TG: variants seen among roughly 807,000 people sequenced by gnomAD.
TG encodes thyroid hormones.
TG carries 270 observed loss-of-function variants against 324.7 expected under a neutral mutation model. The ratio of observed to expected loss-of-function variants is 0.83; its 90% CI spans 0.75 to 0.92. TG has a LOEUF of 0.92. Ranked by LOEUF, TG falls within the 40% of genes least tolerant of loss-of-function variation. TG has a pLI of 0.00. For missense variants in TG, 3,591 were observed against 3,456.4 expected, an observed-to-expected ratio of 1.04 and a Z score of -0.98; for synonymous variants, 1,401 against 1,327.0, an observed-to-expected ratio of 1.06 and a Z score of -1.21.
intron 34 of TG, among the ~76,000 whole-genome samples, chr8:132,981,629 C>CT (rs759785293): frequency 6.6e-6 from 1 of 152,208 alleles, no homozygotes; most frequent in Non-Finnish European, 1.5e-5. Context: ...GAAGCCTTGG[C>CT]TCAGCGTGGA....
chr8:132,873,538 T>A (rs1839695269), intron 5 of TG, among the ~76,000 whole-genome samples: 1 of 152,154 alleles, frequency 6.6e-6, no homozygotes, highest in South Asian at 2.1e-4. Context: ...AAAGTGATCA[T>A]CAAAACGTGG....
Position 133,013,660 on chromosome 8 carries a change from G to A in TG, c.6458G>A (p.Arg2153Lys). ...CTGCAAACCCAACCTGGGGCTGTGA[G>A]ATGTATGTTCTATGCTGATACTCAA... ...TTLQTQPGAV[R>K]CMFYADTQSC... Residue 2153 changes from arginine (R) to lysine (K), a missense_variant, in exon 37 of 48, where the codon AGA becomes AAA. By Grantham distance (26) the Arg-to-Lys change is conservative. Coordinates refer to ENST00000220616, the MANE Select transcript of TG (RefSeq NM_003235.5). 6.2e-7 allele frequency: 1 copy of A among 1,614,228 alleles called. No individual in the cohort carries two copies. Among genetic ancestry groups the A allele is most frequent in the Non-Finnish European group, 8.5e-7 (1 of 1,180,044 alleles).
chr8:133,102,530 T>C, intron 43 of TG: 1 of 1,551,360 alleles, frequency 6.4e-7, no homozygotes, highest in Non-Finnish European at 8.7e-7. Flanking sequence ...GGGGTCCCAA[T>C]GACAGCAAAG....
chr8:132,968,446 A>G (rs543714122), intron 31 of TG, among the ~76,000 whole-genome samples: 13 of 152,330 alleles, frequency 8.5e-5, no homozygotes, highest in African/African-American at 2.9e-4. Flanking sequence ...GACTTTAACA[A>G]GATAGAAGGT....
At chr8:132,878,341 G>A (rs1347524260) in intron 5 of TG, among the ~76,000 whole-genome samples, 1 of 151,998 alleles carries the variant, frequency 6.6e-6, no homozygotes, top group Non-Finnish European at 1.5e-5. Flanking sequence ...TTCAGGTCCA[G>A]CGCGCTGGCT....
chr8:132,871,247 C>T, intron 3 of TG, 101 bp from the exon 4 acceptor site: 1 of 1,293,084 alleles, frequency 7.7e-7, no homozygotes, highest in East Asian at 2.3e-5. Context: ...TCATTCCCCT[C>T]TCAGCTGTGT....
intron 35 of TG, among the ~76,000 whole-genome samples, chr8:133,001,290 C>T (rs903354613): frequency 5.3e-5 from 8 of 152,026 alleles, no homozygotes; most frequent in African/African-American, 9.7e-5. Flanking sequence ...GATGCGGAGT[C>T]GAAGATAAGA....
chr8:132,892,126 G>A (rs1816320397), intron 10 of TG, among the ~76,000 whole-genome samples: 1 of 152,202 alleles, frequency 6.6e-6, no homozygotes, highest in African/African-American at 2.4e-5. Flanking sequence ...CCCAAAAATT[G>A]AACACAAAGG....
rs121912649 is a variant in TG at position 132,967,797 on chromosome 8, G to A, written c.5690G>A (p.Cys1897Tyr). The change falls in exon 31 of 48, where the codon TGT becomes TAT. Residue 1897 changes from cysteine to tyrosine, a missense_variant. Coordinates refer to ENST00000220616, the MANE Select transcript of TG (RefSeq NM_003235.5). ...CACACTACTCTCTTGCCTGTAGGTT[G>A]TGTGCAGGAGCACTCTTTCTGTCAG... Reference protein sequence around the residue: ...QQANLWCLSRCVQEHSFCQLA... With the variant: ...QQANLWCLSRYVQEHSFCQLA... The A allele has an allele frequency of 6.2e-7, 1 of 1,613,718 alleles. No individual in the cohort carries two copies. Among genetic ancestry groups the A allele is most frequent in the East Asian group, 2.2e-5 (1 of 44,860 alleles).
At chr8:133,064,664 C>T (rs573662718) in intron 41 of TG, among the ~76,000 whole-genome samples, 7 of 152,322 alleles carry the variant, frequency 4.6e-5, no homozygotes, top group Middle Eastern at 3.4e-3. Context: ...ATGGCGTTGC[C>T]GTCGACAACG....
intron 5 of TG, among the ~76,000 whole-genome samples, chr8:132,876,842 C>A (rs1307892103): frequency 6.6e-6 from 1 of 152,222 alleles, no homozygotes; most frequent in Non-Finnish European, 1.5e-5. Context: ...CCTTAATGAT[C>A]TGAGTTAATT....
chr8:132,874,850 A>C (rs1265035778), intron 5 of TG, among the ~76,000 whole-genome samples: 1 of 152,218 alleles, frequency 6.6e-6, no homozygotes, highest in Non-Finnish European at 1.5e-5. Flanking sequence ...TGGTGGCATC[A>C]AGACACTGGC....
chr8:133,054,075 T>A lies in TG; in HGVS notation c.7239+24052T>A, dbSNP rs151032371. Among the ~76,000 whole-genome samples, 306 of 152,294 alleles carry A rather than the reference T, an allele frequency of 2.0e-3. 1 individual carries two copies. Among genetic ancestry groups the A allele is most frequent in the African/African-American group, 7.1e-3 (295 of 41,558 alleles). On this transcript the variant is annotated intron_variant, in intron 41 of 47. Coordinates refer to ENST00000220616, the MANE Select transcript of TG (RefSeq NM_003235.5). ...GCCTGGTGCCAGGATCCCTTCAAAG[T>A]CTTCCCTGAGCTTTGGTTGCTACAG...
chr8:132,966,765 G>A, intron 30 of TG, 68 bp downstream of exon 30: 1 of 1,608,212 alleles, frequency 6.2e-7, no homozygotes, highest in Non-Finnish European at 8.5e-7. Flanking sequence ...GCCAAGTCTG[G>A]CAACTCCTGA....
rs187782854 is a variant in TG, at chr8:132,973,167, A to G, written c.6199+426A>G. Among the ~76,000 whole-genome samples the G allele has an allele frequency of 9.7e-3, 1,476 of 152,328 alleles. 15 individuals are homozygous for G. Among genetic ancestry groups the G allele is most frequent in the Admixed American group, 0.013 (192 of 15,300 alleles). On this transcript the variant is annotated intron_variant, in intron 34 of 47. Transcript: ENST00000220616. ...AGCTTGACGGTCCTAACAAGATGGT[A>G]TGCACTAGGATAGGGGGTGTTCCTC...
At chr8:132,957,691 A>G (rs982717367) in intron 27 of TG, among the ~76,000 whole-genome samples, 5 of 148,322 alleles carry the variant, frequency 3.4e-5, no homozygotes, top group Non-Finnish European at 7.5e-5. Context: ...CTGAATTTGT[A>G]TTTGTATTGA....
At chr8:132,917,712 G>A (rs775452238) in intron 20 of TG, among the ~76,000 whole-genome samples, 3 of 151,868 alleles carry the variant, frequency 2.0e-5, no homozygotes, top group African/African-American at 4.8e-5. Flanking sequence ...GGACATTTAC[G>A]GTTCCTCACA....
At chr8:133,096,458 A>G in intron 43 of TG, 85 bp downstream of exon 43, 1 of 1,517,636 alleles carries the variant, frequency 6.6e-7, no homozygotes, top group African/African-American at 1.4e-5. Flanking sequence ...ATCAAGAGAT[A>G]TTGACCAATT....
At chr8:132,965,480 C>T (rs1212708076) in intron 29 of TG, among the ~76,000 whole-genome samples, 1 of 152,304 alleles carries the variant, frequency 6.6e-6, no homozygotes, top group East Asian at 1.9e-4. Context: ...GGATGTAGTG[C>T]CCCTTATACA....
Sources: allele counts gnomAD v4.1 joint callset (sites outside exome capture counted in the v4.1 genomes callset), GRCh38; gene constraint gnomAD v4.1.1; transcripts MANE v1.5; gene names NCBI Gene and HGNC (gene_info 2026-07-23, HGNC 2026-07-21).